Variants in LRBA observed in about 807,000 individuals in gnomAD.
LRBA encodes the protein LPS responsive beige-like anchor protein, also known as lipopolysaccharide-responsive and beige-like anchor protein.
A neutral mutation model predicts 330.0 loss-of-function variants in LRBA; 176 were observed. That is an observed-to-expected ratio of 0.53 (90% CI 0.47 to 0.60). LRBA has a LOEUF of 0.60. LRBA is among the 20% of genes least tolerant of loss of function. LRBA has a pLI of 0.00. For missense variants in LRBA, 3,259 were observed against 3,444.8 expected (o/e 0.95, Z 1.35); for synonymous variants, 1,230 against 1,193.0 (o/e 1.03, Z -0.64).
intron 36 of LRBA, among the ~76,000 whole-genome samples, chr4:150,730,932 C>T (rs760212845): frequency 6.6e-6 from 1 of 152,006 alleles, no homozygotes; most frequent in African/African-American, 2.4e-5. Flanking sequence ...TCATGAGAAT[C>T]GCCTGAACCA....
chr4:150,398,633 C>CTTT (rs57787237), intron 47 of LRBA, among the ~76,000 whole-genome samples: 7 of 147,294 alleles, frequency 4.8e-5, no homozygotes, highest in Admixed American at 6.8e-5. Context: ...TTCTTTCTTT[C>CTTT]TTTTTTTTTT....
chr4:150,415,468 G>C lies in LRBA; in HGVS notation c.7164C>G (p.Thr2388=), dbSNP rs1747603636. The change falls in exon 47 of 57, where the codon ACC becomes ACG. Residue 2388 remains threonine (T), a synonymous_variant. Coordinates refer to ENST00000651943, the MANE Select transcript of LRBA (RefSeq NM_001364905.1). ...TGTTTATGTGAACAAATTCTTCTGA[G>C]GTTTTGGCCCAAGGAGGAAGTTCGA... ...SDVELPPWAK[T]SEEFVHINRL... is the part of the protein sequence containing the mutation. 1.2e-6 allele frequency: 2 copies of C among 1,613,442 alleles called. No homozygotes were observed. The highest frequency in any genetic ancestry group is 2.2e-5 in the South Asian group (2 of 91,020).
Position 150,344,468 on chromosome 4 carries a change from T to C in LRBA, c.7362+5524A>G, listed in dbSNP as rs1042605134. Among the ~76,000 whole-genome samples, 3 of 152,266 alleles carry C rather than the reference T, an allele frequency of 2.0e-5. 1 individual carries two copies. The highest frequency in any genetic ancestry group is 4.4e-5 in the Non-Finnish European group (3 of 68,046). ...CAGTCAGTACTTTTTAGTTCTTATT[T>C]GTTCAATCTTCTTTCAGATTCTAAA... is the stretch of plus-strand genomic sequence containing the variant. On this transcript the variant is annotated intron_variant, in intron 48 of 56. Coordinates refer to ENST00000651943, the MANE Select transcript of LRBA (RefSeq NM_001364905.1).
At chr4:150,655,154 T>C (rs1780064857) in intron 37 of LRBA, among the ~76,000 whole-genome samples, 1 of 152,192 alleles carries the variant, frequency 6.6e-6, no homozygotes, top group Admixed American at 6.5e-5. Context: ...GTTAAACTAG[T>C]AAAGTCATTT....
intron 2 of LRBA, among the ~76,000 whole-genome samples, chr4:150,953,516 G>A (rs1451670330): frequency 2.0e-5 from 3 of 152,104 alleles, no homozygotes; most frequent in East Asian, 1.9e-4. Context: ...GGTGCGCACC[G>A]CCACACCTGA....
chr4:150,380,297 T>C (rs1157606908), intron 47 of LRBA, among the ~76,000 whole-genome samples: 1 of 152,238 alleles, frequency 6.6e-6, no homozygotes, highest in Admixed American at 6.5e-5. Flanking sequence ...AACTGTATTC[T>C]GAATAATATT....
chr4:150,559,644 A>G (rs1352202315), intron 40 of LRBA, among the ~76,000 whole-genome samples: 1 of 56,404 alleles, frequency 1.8e-5, no homozygotes, highest in South Asian at 4.6e-4. Context: ...ATATTTATAT[A>G]ATATAATATA....
intron 2 of LRBA, among the ~76,000 whole-genome samples, chr4:150,986,321 G>A (rs1254323200): frequency 1.3e-5 from 2 of 152,128 alleles, no homozygotes; most frequent in Non-Finnish European, 2.9e-5. Context: ...ATTACCACCT[G>A]AGCTTCACCT....
At chr4:150,290,968 T>G (rs573171514) in intron 53 of LRBA, among the ~76,000 whole-genome samples, 1 of 152,280 alleles carries the variant, frequency 6.6e-6, no homozygotes, top group South Asian at 2.1e-4. Context: ...ATTTATTTTT[T>G]ATTATACTTT....
intron 34 of LRBA, among the ~76,000 whole-genome samples, chr4:150,769,776 A>G (rs1288242199): frequency 6.6e-6 from 1 of 152,176 alleles, no homozygotes; most frequent in Non-Finnish European, 1.5e-5. Flanking sequence ...ATTAACCATC[A>G]CAAGTCCACC....
At chr4:150,623,954 AC>A (rs1776571264) in intron 37 of LRBA, among the ~76,000 whole-genome samples, 1 of 152,140 alleles carries the variant, frequency 6.6e-6, no homozygotes, top group Non-Finnish European at 1.5e-5. Flanking sequence ...GTGCCACAGC[AC>A]TCTATTAACT....
At chr4:150,335,817 C>G (rs1052619358) in intron 48 of LRBA, among the ~76,000 whole-genome samples, 4 of 152,124 alleles carry the variant, frequency 2.6e-5, no homozygotes, top group African/African-American at 9.7e-5. Flanking sequence ...CCACCTCAGC[C>G]TCTGAGTAGC....
chr4:150,470,647 T>A lies in LRBA; in HGVS notation c.6667+977A>T, dbSNP rs552735870. On this transcript the variant is annotated intron_variant, in intron 43 of 56. Coordinates refer to ENST00000651943, the MANE Select transcript of LRBA (RefSeq NM_001364905.1). Reference sequence around the variant, plus strand: ...CCCTAGATCAAATTTTCTGACTTCTTTTTCCATTAATTGCACCACCATTTT... The same window carrying A: ...CCCTAGATCAAATTTTCTGACTTCTATTTCCATTAATTGCACCACCATTTT... Among the ~76,000 whole-genome samples, 5 of 152,164 alleles carry A rather than the reference T, an allele frequency of 3.3e-5. No individual in the cohort carries two copies. The South Asian group carries it at 1.0e-3, about 32-fold the overall frequency.
chr4:150,666,291 G>C (rs1187676253), intron 37 of LRBA, among the ~76,000 whole-genome samples: 2 of 152,118 alleles, frequency 1.3e-5, no homozygotes, highest in Non-Finnish European at 2.9e-5. Context: ...TCAGCACTTT[G>C]GGAGGCTGAG....
intron 17 of LRBA, among the ~76,000 whole-genome samples, chr4:150,886,103 A>G (rs1207867261): frequency 4.6e-5 from 7 of 152,304 alleles, no homozygotes; most frequent in African/African-American, 9.6e-5. Context: ...ATTATAGGGG[A>G]AAAAAACACA....
chr4:150,817,385 T>C, intron 30 of LRBA, 128 bp from the exon 31 acceptor site: 1 of 812,662 alleles, frequency 1.2e-6, no homozygotes, highest in South Asian at 1.6e-5. Context: ...CTATTTGATG[T>C]ACAATTTAGA....
At chr4:150,307,040 G>A (rs1730439067) in intron 52 of LRBA, among the ~76,000 whole-genome samples, 1 of 151,812 alleles carries the variant, frequency 6.6e-6, no homozygotes, top group Non-Finnish European at 1.5e-5. Flanking sequence ...AAAATTGTGT[G>A]AATATAGGAT....
rs1190425996 is a variant in LRBA, at chr4:150,583,404, G to A, written c.6330+4644C>T. 1.9e-6 allele frequency: 3 copies of A among 1,614,000 alleles called. No individual in the cohort carries two copies. Among genetic ancestry groups the A allele is most frequent in the Non-Finnish European group, 2.5e-6 (3 of 1,180,040 alleles). On this transcript the variant is annotated intron_variant, in intron 40 of 56. Transcript: ENST00000651943. This position sits in a 1 kb window ranked among gnomAD's most constrained non-coding sequence, Gnocchi z 9.8. The stretch of plus-strand genomic sequence containing the variant: ...TCACGGCGTCGGGCTATCTCTCAGC[G>A]CGTAAGATCCGCTCGCGTTTCCAGA...
At chr4:150,658,524 T>C (rs1404894535) in intron 37 of LRBA, among the ~76,000 whole-genome samples, 7 of 16 alleles carry the variant, frequency 0.44, no homozygotes, top group Non-Finnish European at 0.5. Flanking sequence ...TCCCTCTCCC[T>C]CTCCCTCTCC....
Sources: gnomAD v4.1 joint callset for allele counts (sites outside exome capture counted in the v4.1 genomes callset) on GRCh38, gnomAD v4.1.1 for gene constraint, Gnocchi (gnomAD v3.1) non-coding constraint, MANE v1.5 for transcripts, NCBI Gene and HGNC (gene_info 2026-07-23, HGNC 2026-07-21) for gene names.